The following PHLPP2 variants were observed in gnomAD, a reference collection of about 807,000 sequenced individuals.
The protein encoded by PHLPP2 is PH domain and leucine rich repeat protein phosphatase 2, also known as PH domain leucine-rich repeat-containing protein phosphatase 2.
PHLPP2 carries 66 observed loss-of-function variants against 124.9 expected under a neutral mutation model. The observed-to-expected ratio is 0.53, with a 90% CI of 0.43 to 0.65. The LOEUF (loss-of-function observed/expected upper bound fraction) is 0.65, where lower values mean the gene tolerates loss of function less well. PHLPP2 is among the 30% of genes least tolerant of loss of function. The pLI is 0.00. For synonymous variants in PHLPP2, 681 were observed against 624.7 expected, an observed-to-expected ratio of 1.09 and a Z score of -1.34; for missense variants, 1,685 against 1,600.4, an observed-to-expected ratio of 1.05 and a Z score of -0.90.
chr16:71,687,770 G>A (rs1454869182), intron 4 of PHLPP2, among the ~76,000 whole-genome samples: 1 of 151,982 alleles, frequency 6.6e-6, no homozygotes, highest in East Asian at 1.9e-4. Context: ...CACTCATTTT[G>A]TCTTCACTTC....
chr16:71,676,898 C>A, intron 8 of PHLPP2: 1 of 432,930 alleles, frequency 2.3e-6, no homozygotes, highest in Non-Finnish European at 4.2e-6. Flanking sequence ...AGAATCACCC[C>A]CACCATGCCA....
At position 71,645,794 on chromosome 16, in the gene PHLPP2, T is replaced by C. The variant is rs1278602440; in HGVS notation, c.*3096A>G. ...CACAGTAGTACAATAAAGCCCTGTA[T>C]CAGGAGTGGTAATTCAATGACTTGA... On this transcript the variant is annotated 3_prime_UTR_variant, in exon 19 of 19. Coordinates refer to ENST00000568954, the MANE Select transcript of PHLPP2 (RefSeq NM_015020.3). The C allele has an allele frequency of 1.3e-5, 2 of 152,914 alleles. No homozygotes were observed. The highest frequency in any genetic ancestry group is 1.9e-4 in the East Asian group (1 of 5,196). 9.5% of individuals were successfully genotyped at this position (152,914 alleles called of 1,614,324 possible).
At chr16:71,714,244 A>T (rs997948583) in intron 2 of PHLPP2, among the ~76,000 whole-genome samples, 1 of 152,134 alleles carries the variant, frequency 6.6e-6, no homozygotes, top group East Asian at 1.9e-4. Context: ...CCAGCCAAAA[A>T]AATTTAACTT....
At position 71,690,560 on chromosome 16, in the gene PHLPP2, G is replaced by T; in HGVS notation, c.568C>A (p.Gln190Lys). The part of the protein sequence containing the change: ...CLIVSSVKDC[Q>K]TGKMHILPLV... ...GGCAAAATGTGCATCTTTCCAGTTT[G>T]ACAATCCTTCACTGAGGAAACGATA... Residue 190 changes from glutamine (Q) to lysine (K), a missense_variant, in exon 4 of 19, where the codon CAA becomes AAA. By Grantham distance (53) the Gln-to-Lys change is moderately conservative. Coordinates refer to ENST00000568954, the MANE Select transcript of PHLPP2 (RefSeq NM_015020.3). The T allele has an allele frequency of 6.2e-7, 1 of 1,612,250 alleles. No individual in the cohort carries two copies. Among genetic ancestry groups the T allele is most frequent in the South Asian group, 1.1e-5 (1 of 90,550 alleles).
chr16:71,716,688 A>G (rs1368993715), intron 1 of PHLPP2, among the ~76,000 whole-genome samples: 1 of 152,124 alleles, frequency 6.6e-6, no homozygotes, highest in Non-Finnish European at 1.5e-5. Context: ...GTACACCACA[A>G]TTCTGTGGCC....
intron 18 of PHLPP2, among the ~76,000 whole-genome samples, chr16:71,652,253 T>C (rs2044701718): frequency 6.6e-6 from 1 of 152,242 alleles, no homozygotes; most frequent in Non-Finnish European, 1.5e-5. Flanking sequence ...TTCCACTTTG[T>C]GATAAACAAT....
chr16:71,668,978 C>T (rs1461883077), intron 11 of PHLPP2, among the ~76,000 whole-genome samples: 1 of 152,148 alleles, frequency 6.6e-6, no homozygotes, highest in African/African-American at 2.4e-5. Context: ...ATAGCTCATC[C>T]TATAAAAATT....
intron 2 of PHLPP2, among the ~76,000 whole-genome samples, chr16:71,712,357 A>G (rs1236558195): frequency 6.6e-6 from 1 of 152,230 alleles, no homozygotes; most frequent in East Asian, 1.9e-4. Flanking sequence ...TACAGGGCAC[A>G]TAAGTAAATA....
At chr16:71,694,811 G>A (rs1290494632) in intron 3 of PHLPP2, among the ~76,000 whole-genome samples, 3 of 151,936 alleles carry the variant, frequency 2.0e-5, no homozygotes, top group Non-Finnish European at 4.4e-5. Context: ...TTGAGACGGA[G>A]TCTTGCTCTG....
intron 3 of PHLPP2, among the ~76,000 whole-genome samples, chr16:71,702,175 A>G (rs1196841823): frequency 6.6e-6 from 1 of 152,214 alleles, no homozygotes; most frequent in Admixed American, 6.5e-5. Flanking sequence ...AAACCCCACT[A>G]AATTCACCAA....
intron 4 of PHLPP2, among the ~76,000 whole-genome samples, chr16:71,684,989 C>G (rs1444359193): frequency 6.6e-6 from 1 of 152,170 alleles, no homozygotes; most frequent in Non-Finnish European, 1.5e-5. Flanking sequence ...TCCCCCATTC[C>G]TATTGGAGCG....
At chr16:71,684,455 G>A (rs772242081) in intron 5 of PHLPP2, 21 bp downstream of exon 5, 3 of 1,612,920 alleles carry the variant, frequency 1.9e-6, no homozygotes, top group Non-Finnish European at 2.5e-6. Flanking sequence ...CTCCACATCA[G>A]AACATCCCAT....
chr16:71,722,886 T>A (rs779695572), intron 1 of PHLPP2, among the ~76,000 whole-genome samples: 3 of 152,090 alleles, frequency 2.0e-5, no homozygotes, highest in Non-Finnish European at 4.4e-5. Context: ...CCTTTAACCA[T>A]CTTCTCCTCC....
chr16:71,695,772 A>G (rs1031165045), intron 3 of PHLPP2, among the ~76,000 whole-genome samples: 2 of 152,076 alleles, frequency 1.3e-5, no homozygotes, highest in East Asian at 3.8e-4. Flanking sequence ...ACAAGGTAAG[A>G]TCTCCAAGAC....
intron 3 of PHLPP2, among the ~76,000 whole-genome samples, chr16:71,693,635 A>G (rs945877676): frequency 1.3e-5 from 2 of 152,224 alleles, no homozygotes; most frequent in Non-Finnish European, 2.9e-5. Flanking sequence ...AATGACGGCT[A>G]AACTCCTGAT....
In PHLPP2 at chr16:71,646,166, G is replaced by A. The variant is rs1010705070; in HGVS notation, c.*2724C>T. On this transcript the variant is annotated 3_prime_UTR_variant, in exon 19 of 19. Coordinates refer to ENST00000568954, the MANE Select transcript of PHLPP2 (RefSeq NM_015020.3). ...CTGGAGACAGATACGGGCTTTCACT[G>A]ACAGCCTGTTTAGAAAACACAATGT... 6.6e-6 allele frequency: 1 copy of A among 152,606 alleles called. No individual in the cohort carries two copies. The highest frequency in any genetic ancestry group is 1.5e-5 in the Non-Finnish European group (1 of 68,028). 9.5% of individuals were successfully genotyped at this position (152,606 alleles called of 1,614,324 possible). A position where few individuals can be genotyped will look rare whatever the true frequency, so the allele number is the denominator to read the frequency against.
chr16:71,668,415 CAAAAAAAAAA>C (rs34860764), intron 11 of PHLPP2, among the ~76,000 whole-genome samples: 4 of 26,944 alleles, frequency 1.5e-4, no homozygotes, highest in South Asian at 2.0e-3. Context: ...GACTCTGTCT[CAAAAAAAAAA>C]AAAAAAAAAA....
In PHLPP2 at chr16:71,649,002, A is replaced by G; in HGVS notation, c.3860T>C (p.Leu1287Pro). The G allele has an allele frequency of 1.2e-6, 2 of 1,613,964 alleles. No individual in the cohort carries two copies. Among genetic ancestry groups the G allele is most frequent in the Non-Finnish European group, 8.5e-7 (1 of 1,179,956 alleles). ...CATTTGTTCCTTCACTTCTTCTTCC[A>G]GGTCATGAGGCACAACAAACTGGTC... ...PEDQFVVPHDLEEEVKEQMKQ... is the reference protein window; with the variant it reads ...PEDQFVVPHDPEEEVKEQMKQ... The change falls in exon 19 of 19, where the codon CTG (leucine) becomes CCG (proline). Residue 1287 changes from leucine to proline, a missense_variant. Coordinates refer to ENST00000568954, the MANE Select transcript of PHLPP2 (RefSeq NM_015020.3).
At chr16:71,681,140 A>G (rs1488276607) in intron 6 of PHLPP2, among the ~76,000 whole-genome samples, 3 of 152,196 alleles carry the variant, frequency 2.0e-5, no homozygotes, top group African/African-American at 7.2e-5. Context: ...CTCCTCCAGA[A>G]GCCCAGACAA....
Sources: allele counts gnomAD v4.1 joint callset (sites outside exome capture counted in the v4.1 genomes callset), GRCh38; gene constraint gnomAD v4.1.1; transcripts MANE v1.5; gene names NCBI Gene and HGNC (gene_info 2026-07-23, HGNC 2026-07-21).